The following MAML3 variants were observed in gnomAD, a reference collection of about 807,000 sequenced individuals.
MAML3 encodes the protein mastermind like transcriptional coactivator 3, also known as mastermind-like protein 3.
MAML3 carries 27 observed loss-of-function variants against 101.9 expected under a neutral mutation model. That is an observed-to-expected ratio of 0.27 (90% CI 0.20 to 0.37). MAML3 has a LOEUF of 0.37. Ranked by LOEUF, MAML3 falls within the 10% of genes least tolerant of loss-of-function variation. MAML3 has a pLI of 1.00. For synonymous variants in MAML3, 501 were observed against 555.9 expected (o/e 0.90, Z 1.39); for missense variants, 1,316 against 1,444.9 (o/e 0.91, Z 1.45).
At chr4:140,009,754 A>C (rs1281035561) in intron 1 of MAML3, among the ~76,000 whole-genome samples, 1 of 152,228 alleles carries the variant, frequency 6.6e-6, no homozygotes, top group Admixed American at 6.5e-5. Context: ...AAAGAGACAA[A>C]AATCCCTGTC....
chr4:140,027,355 T>A (rs958845396), intron 1 of MAML3, among the ~76,000 whole-genome samples: 2 of 152,246 alleles, frequency 1.3e-5, no homozygotes, highest in African/African-American at 4.8e-5. Context: ...GCACTTCTAA[T>A]GCAGCACTTC....
intron 1 of MAML3, among the ~76,000 whole-genome samples, chr4:139,914,070 C>T (rs1194182994): frequency 6.6e-6 from 1 of 151,960 alleles, no homozygotes; most frequent in Non-Finnish European, 1.5e-5. Flanking sequence ...CACAGCTCCT[C>T]GTATATATAT....
rs368411036 is a variant in MAML3 at position 139,772,916 on chromosome 4, TA to T, written c.2080-42250del. ...AAGATGGTGAAACCCCATCTCTACT[TA>T]AAAAAAAAAAAAAGAATAAAGTATC... On this transcript the variant is annotated intron_variant, in intron 2 of 4. Transcript: ENST00000509479. Among the ~76,000 whole-genome samples, 632 of 139,112 alleles carry T rather than the reference TA, an allele frequency of 4.5e-3. 2 individuals are homozygous for T. Among genetic ancestry groups the T allele is most frequent in the African/African-American group, 0.01 (393 of 38,072 alleles). 91.3% of individuals were successfully genotyped at this position (139,112 alleles called of 152,430 possible). A position where few individuals can be genotyped will look rare whatever the true frequency, so the allele number is the denominator to read the frequency against.
chr4:140,130,777 A>G (rs1728778366), intron 1 of MAML3, among the ~76,000 whole-genome samples: 1 of 152,136 alleles, frequency 6.6e-6, no homozygotes, highest in Non-Finnish European at 1.5e-5. Context: ...GGATATGATG[A>G]AATAGTCAAT....
chr4:140,071,567 A>T (rs2110953977), intron 1 of MAML3, among the ~76,000 whole-genome samples: 1 of 152,288 alleles, frequency 6.6e-6, no homozygotes, highest in South Asian at 2.1e-4. Context: ...CTATGATAAT[A>T]AACATAAACA....
Position 140,046,446 on chromosome 4 carries a change from A to C in MAML3, c.468+106414T>G, listed in dbSNP as rs969597953. 5.8e-4 allele frequency among the ~76,000 whole-genome samples: 89 copies of C among 152,332 alleles called. 1 individual carries two copies. The highest frequency in any genetic ancestry group is 1.9e-3 in the African/African-American group (77 of 41,580). On this transcript the variant is annotated intron_variant, in intron 1 of 4. Coordinates refer to ENST00000509479, the MANE Select transcript of MAML3 (RefSeq NM_018717.5). ...CTATACCATCACCTAGGCTCTCCTGACTGATAAATAAGATTTAATTGAACT... is the reference window on the plus strand; with the variant it reads ...CTATACCATCACCTAGGCTCTCCTGCCTGATAAATAAGATTTAATTGAACT...
chr4:139,806,592 G>T (rs1446371862), intron 2 of MAML3, among the ~76,000 whole-genome samples: 1 of 152,018 alleles, frequency 6.6e-6, no homozygotes, highest in Non-Finnish European at 1.5e-5. Context: ...CCCAGAAATT[G>T]CTCTTTTAAG....
intron 2 of MAML3, among the ~76,000 whole-genome samples, chr4:139,736,130 T>A (rs1249770018): frequency 6.6e-6 from 1 of 151,970 alleles, no homozygotes; most frequent in Admixed American, 6.6e-5. Context: ...ACACACTCAC[T>A]CACTCACTCA....
At chr4:140,132,692 C>G (rs77670569) in intron 1 of MAML3, among the ~76,000 whole-genome samples, 1 of 152,212 alleles carries the variant, frequency 6.6e-6, no homozygotes, top group Non-Finnish European at 1.5e-5. Context: ...CTGAAGACTT[C>G]TCACTTTGCA....
chr4:140,053,059 C>G (rs548045858), intron 1 of MAML3, among the ~76,000 whole-genome samples: 1 of 152,076 alleles, frequency 6.6e-6, no homozygotes, highest in South Asian at 2.1e-4. Flanking sequence ...CCACAGAAAC[C>G]CCCTCATTCA....
chr4:139,890,533 G>A lies in MAML3; in HGVS notation c.903C>T (p.Asp301=), dbSNP rs76066862. 7.6e-4 allele frequency: 1,233 copies of A among 1,613,992 alleles called. 14 individuals are homozygous for A. The African/African-American group carries it at 0.014, about 19-fold the overall frequency. ...SLSNQNKLFS[D]INLNDQEWQE... ...GCCACTCCTGATCATTCAGATTAAT[G>A]TCTGAGAACAGCTTGTTCTGATTTG... The change falls in exon 2 of 5, where the codon GAC becomes GAT. Residue 301 remains aspartate, a synonymous_variant. Transcript: ENST00000509479. This position sits in a 1 kb window ranked among gnomAD's most constrained non-coding sequence, Gnocchi z 4.1.
chr4:139,822,405 C>A (rs1388809828), intron 2 of MAML3, among the ~76,000 whole-genome samples: 1 of 152,104 alleles, frequency 6.6e-6, no homozygotes, highest in Non-Finnish European at 1.5e-5. Context: ...GGGGTAAGTT[C>A]TGGGTATCAG....
chr4:140,013,356 G>C (rs1238866056), intron 1 of MAML3, among the ~76,000 whole-genome samples: 1 of 151,998 alleles, frequency 6.6e-6, no homozygotes, highest in African/African-American at 2.4e-5. Flanking sequence ...TTTTCCCTCA[G>C]CCACCTGCAA....
intron 1 of MAML3, among the ~76,000 whole-genome samples, chr4:140,090,721 T>C (rs1374273417): frequency 6.6e-6 from 1 of 152,212 alleles, no homozygotes; most frequent in African/African-American, 2.4e-5. Context: ...TGGCTACTAC[T>C]ACATGCTTCC....
intron 1 of MAML3, among the ~76,000 whole-genome samples, chr4:139,893,508 C>G (rs1732545371): frequency 6.6e-6 from 1 of 152,146 alleles, no homozygotes; most frequent in Non-Finnish European, 1.5e-5. Context: ...CACCACAGGC[C>G]TGCACCCAGT....
intron 2 of MAML3, among the ~76,000 whole-genome samples, chr4:139,868,779 G>GAA (rs374341425): frequency 1.5e-3 from 218 of 149,690 alleles, no homozygotes; most frequent in African/African-American, 5.0e-3. Flanking sequence ...AATAGAATGT[G>GAA]AAAAAAAAAT....
intron 1 of MAML3, among the ~76,000 whole-genome samples, chr4:140,082,921 G>A (rs1727885144): frequency 6.6e-6 from 1 of 152,104 alleles, no homozygotes; most frequent in East Asian, 1.9e-4. Flanking sequence ...CTCCACCAAG[G>A]AGGCAATCCC....
chr4:139,721,555 T>C (rs574505481), intron 4 of MAML3, among the ~76,000 whole-genome samples: 1 of 152,348 alleles, frequency 6.6e-6, no homozygotes, highest in African/African-American at 2.4e-5. Flanking sequence ...AACTGAAGCA[T>C]GTTTTTGTCT....
intron 2 of MAML3, among the ~76,000 whole-genome samples, chr4:139,762,057 T>G (rs1314185302): frequency 6.6e-6 from 1 of 152,160 alleles, no homozygotes; most frequent in African/African-American, 2.4e-5. Flanking sequence ...TTCTAGGAGC[T>G]TCTATGCCAC....
Sources: gnomAD v4.1 joint callset for allele counts (sites outside exome capture counted in the v4.1 genomes callset) on GRCh38, gnomAD v4.1.1 for gene constraint, Gnocchi (gnomAD v3.1) non-coding constraint, MANE v1.5 for transcripts, NCBI Gene and HGNC (gene_info 2026-07-23, HGNC 2026-07-21) for gene names.